NIPSNAP3B: variants seen among roughly 807,000 people sequenced by gnomAD.
NIPSNAP3B encodes the protein nipsnap homolog 3B.
NIPSNAP3B carries 30 observed loss-of-function variants against 31.5 expected under a neutral mutation model. The observed-to-expected ratio is 0.95, with a 90% CI of 0.71 to 1.29. The LOEUF (loss-of-function observed/expected upper bound fraction) is 1.29. Among genes scored for constraint, NIPSNAP3B ranks in the 50% most tolerant of loss-of-function variants. The probability of loss-of-function intolerance (pLI) is 0.00; values close to 1 mark genes in which losing one functional copy is unlikely to be tolerated. For synonymous variants in NIPSNAP3B, 106 were observed against 107.9 expected, an observed-to-expected ratio of 0.98 and a Z score of 0.11; for missense variants, 269 against 300.7, an observed-to-expected ratio of 0.89 and a Z score of 0.78.
At chr9:104,787,795 T>G in the NIPSNAP3B span, 2 of 1,599,554 alleles carry the variant, frequency 1.3e-6, no homozygotes, top group Non-Finnish European at 1.7e-6. Flanking sequence ...TTTTCCAAGG[T>G]TGCTCTGCTG....
the NIPSNAP3B span, among the ~76,000 whole-genome samples, chr9:104,789,106 C>T: frequency 1.1e-4 from 16 of 152,202 alleles, no homozygotes; most frequent in African/African-American, 3.9e-4. Flanking sequence ...GATGACTGCA[C>T]CTCAGCCACA....
chr9:104,782,468 T>G (rs1260563644), downstream of NIPSNAP3B: 1 of 152,160 alleles, frequency 6.6e-6, no homozygotes, highest in African/African-American at 2.4e-5. Flanking sequence ...TCACTTGAAC[T>G]TCCCCAAACA....
the NIPSNAP3B span, among the ~76,000 whole-genome samples, chr9:104,784,917 T>TA: frequency 3.5e-3 from 527 of 152,328 alleles, 2 homozygotes; most frequent in African/African-American, 0.012. Context: ...GTGCTGGGAT[T>TA]ACAGGCATGA....
the NIPSNAP3B span, chr9:104,784,432 G>A: frequency 6.2e-7 from 1 of 1,613,982 alleles, no homozygotes; most frequent in Non-Finnish European, 8.5e-7. Flanking sequence ...CATCACTTTG[G>A]TCCTTGGCAA....
At chr9:104,781,758 A>G (rs928863424), downstream of NIPSNAP3B, 2 of 152,740 alleles carry the variant, frequency 1.3e-5, no homozygotes, top group African/African-American at 2.4e-5. Context: ...CAAAGATGCA[A>G]AAGCAGAAAT....
chr9:104,783,609 G>A, the NIPSNAP3B span: 1 of 152,594 alleles, frequency 6.6e-6, no homozygotes, highest in East Asian at 1.9e-4. Flanking sequence ...ATGGAACCAA[G>A]TTTCCCGTGC....
the NIPSNAP3B span, chr9:104,783,738 T>C: frequency 6.5e-6 from 1 of 154,014 alleles, no homozygotes; most frequent in Admixed American, 6.4e-5. Context: ...TCAATGTTGA[T>C]AGACTCTGAG....
chr9:104,789,022 G>A, the NIPSNAP3B span, among the ~76,000 whole-genome samples: 2 of 152,198 alleles, frequency 1.3e-5, no homozygotes, highest in African/African-American at 4.8e-5. Context: ...GTGGTGGGGT[G>A]GCTTTGGGGT....
chr9:104,786,443 G>T, the NIPSNAP3B span: 2 of 1,481,896 alleles, frequency 1.3e-6, no homozygotes, highest in South Asian at 2.3e-5. Context: ...CTGTAACCAT[G>T]AGAACATCAC....
At chr9:104,764,399 C>A (rs915571364) in intron 1 of NIPSNAP3B, 99 bp downstream of exon 1, 3 of 1,071,286 alleles carry the variant, frequency 2.8e-6, no homozygotes, top group African/African-American at 3.4e-5. Context: ...CGCTCCCAGA[C>A]CTGGGGCCCC....
At chr9:104,790,661 A>G in the NIPSNAP3B span, among the ~76,000 whole-genome samples, 4 of 152,334 alleles carry the variant, frequency 2.6e-5, no homozygotes, top group African/African-American at 9.6e-5. Context: ...CTCTTAAAAA[A>G]CAAGCAAATT....
chr9:104,787,990 T>C, the NIPSNAP3B span: 1 of 1,614,200 alleles, frequency 6.2e-7, no homozygotes, highest in Middle Eastern at 1.6e-4. Context: ...GCCTCCACTA[T>C]AGTTACCAGC....
chr9:104,786,736 T>C, the NIPSNAP3B span: 19 of 826,140 alleles, frequency 2.3e-5, no homozygotes, highest in Non-Finnish European at 3.9e-5. Context: ...TTTGTAAGAA[T>C]ATGCATATAT....
At chr9:104,784,009 AG>A in the NIPSNAP3B span, 1 of 264,310 alleles carries the variant, frequency 3.8e-6, no homozygotes, top group Non-Finnish European at 7.3e-6. Context: ...AAAAAAAAAA[AG>A]TGTGAGTTCA....
At chr9:104,785,588 G>A in the NIPSNAP3B span, 3 of 1,614,146 alleles carry the variant, frequency 1.9e-6, no homozygotes, top group Non-Finnish European at 2.5e-6. Flanking sequence ...CAGGCTTCAG[G>A]TCCGGGTTGG....
the NIPSNAP3B span, chr9:104,788,449 C>G: frequency 6.2e-7 from 1 of 1,614,164 alleles, no homozygotes; most frequent in Non-Finnish European, 8.5e-7. Flanking sequence ...TTCTCTGGGA[C>G]TCCTCTCAAA....
chr9:104,790,891 G>C, the NIPSNAP3B span: 1 of 1,418,380 alleles, frequency 7.1e-7, no homozygotes, highest in South Asian at 1.2e-5. Flanking sequence ...CAAAGTCTTT[G>C]CAGCAAAATA....
rs373473880 is a variant in NIPSNAP3B at position 104,768,832 on chromosome 9, A to G, written c.272-31A>G. The stretch of plus-strand genomic sequence containing the variant: ...AAAATATGGGCGATTTTAAATAAAA[A>G]AACATTTTCTTAACTATTTTCCTCC... On this transcript the variant is annotated intron_variant, in intron 2 of 5. Coordinates refer to ENST00000374762, the MANE Select transcript of NIPSNAP3B (RefSeq NM_018376.4). The G allele has an allele frequency of 4.4e-4, 692 of 1,579,978 alleles. 8 individuals are homozygous for G. In the South Asian group the frequency reaches 7.4e-3, roughly 17 times the overall value.
In NIPSNAP3B at chr9:104,773,254, C is replaced by G; in HGVS notation, c.*181C>G. The G allele has an allele frequency of 1.6e-6, 1 of 611,982 alleles. No homozygotes were observed. Among genetic ancestry groups the G allele is most frequent in the East Asian group, 2.8e-5 (1 of 35,834 alleles). 37.9% of individuals were successfully genotyped at this position (611,982 alleles called of 1,614,324 possible). A position where few individuals can be genotyped will look rare whatever the true frequency, so the allele number is the denominator to read the frequency against. On this transcript the variant is annotated 3_prime_UTR_variant, in exon 6 of 6. Coordinates refer to ENST00000374762, the MANE Select transcript of NIPSNAP3B (RefSeq NM_018376.4). ...TTCTCCACTGCTTTAAGAAATAATT[C>G]AGTTCACTTTCACCTTGGCATTTCA...
Sources: gnomAD v4.1 joint callset for allele counts (sites outside exome capture counted in the v4.1 genomes callset) on GRCh38, gnomAD v4.1.1 for gene constraint, MANE v1.5 for transcripts, NCBI Gene and HGNC (gene_info 2026-07-23, HGNC 2026-07-21) for gene names.